Variants in DHRS2 observed in about 807,000 individuals in gnomAD.
DHRS2 encodes dehydrogenase/reductase 2, also known as dehydrogenase/reductase SDR family member 2, mitochondrial.
In DHRS2, 29 loss-of-function variants were observed where a neutral mutation model predicts 26.3. The ratio of observed to expected loss-of-function variants is 1.10; its 90% CI spans 0.82 to 1.50. The LOEUF (loss-of-function observed/expected upper bound fraction) is 1.50, where lower values mean the gene tolerates loss of function less well. Among genes scored for constraint, DHRS2 ranks in the 40% most tolerant of loss-of-function variants. The pLI, the probability that DHRS2 is intolerant of heterozygous loss-of-function variation, is 0.00. For missense variants in DHRS2, 439 were observed against 367.1 expected (o/e 1.20, Z -1.60); for synonymous variants, 164 against 151.3 (o/e 1.08, Z -0.62).
chr14:23,639,035 C>T, intron 2 of DHRS2, 31 bp downstream of exon 2: 3 of 1,608,706 alleles, frequency 1.9e-6, no homozygotes, highest in Non-Finnish European at 2.5e-6. Flanking sequence ...GGGTCCTGGC[C>T]CCTCACAGGG....
upstream of DHRS2, among the ~76,000 whole-genome samples, chr14:23,635,314 A>G (rs569539701): frequency 6.6e-6 from 1 of 152,314 alleles, no homozygotes; most frequent in East Asian, 1.9e-4. Context: ...TTGGCCTTCC[A>G]AAGTACTGGG....
At chr14:23,639,676 G>T (rs563776807) in intron 3 of DHRS2, 118 bp from the exon 4 acceptor site, 4 of 1,166,570 alleles carry the variant, frequency 3.4e-6, no homozygotes, top group African/African-American at 1.6e-5. Context: ...GGGACACCTA[G>T]GTCATTTTCC....
intron 4 of DHRS2, chr14:23,641,585 A>G (rs1162992848): frequency 1.5e-5 from 19 of 1,286,112 alleles, no homozygotes; most frequent in Non-Finnish European, 1.7e-5. Context: ...AGTATTGGAC[A>G]GATATCCTGT....
intron 1 of DHRS2, 89 bp from the exon 2 acceptor site, chr14:23,638,738 G>T: frequency 7.4e-7 from 1 of 1,358,932 alleles, no homozygotes; most frequent in Non-Finnish European, 1.0e-6. Flanking sequence ...TCTGTTGCTG[G>T]CCTTGTCTGT....
In DHRS2 at chr14:23,645,452, A is replaced by G; in HGVS notation, c.*199A>G. 1 of 1,131,426 alleles carries G rather than the reference A, an allele frequency of 8.8e-7. No individual in the cohort carries two copies. Among genetic ancestry groups the G allele is most frequent in the South Asian group, 1.6e-5 (1 of 62,252 alleles). The allele number at this position is 1,131,426 out of a possible 1,614,324, so 70.1% of individuals were successfully genotyped here. A position where few individuals can be genotyped will look rare whatever the true frequency, so the allele number is the denominator to read the frequency against. On this transcript the variant is annotated 3_prime_UTR_variant, in exon 9 of 9. Coordinates refer to ENST00000250383, the MANE Select transcript of DHRS2 (RefSeq NM_005794.4). ...ACTTATCTGCTTGTAGATTTGGCTG[A>G]TCCAATTAACATGTGGGGTTCTTGG...
At chr14:23,644,930 G>A (rs1890815916) in intron 8 of DHRS2, 48 bp downstream of exon 8, 3 of 1,603,126 alleles carry the variant, frequency 1.9e-6, no homozygotes, top group Non-Finnish European at 2.6e-6. Flanking sequence ...CTAGGCAGGG[G>A]CAGTTGAGTC....
intron 8 of DHRS2, 79 bp downstream of exon 8, chr14:23,644,961 C>G: frequency 6.4e-7 from 1 of 1,569,424 alleles, no homozygotes; most frequent in Non-Finnish European, 8.8e-7. Flanking sequence ...GCAGACCCCT[C>G]CCTGTCATCT....
Position 23,644,455 on chromosome 14 carries a change from C to T in DHRS2, c.587C>T (p.Thr196Ile), listed in dbSNP as rs1375834725. 1.2e-6 allele frequency: 2 copies of T among 1,614,230 alleles called. No homozygotes were observed. Among genetic ancestry groups the T allele is most frequent in the Non-Finnish European group, 8.5e-7 (1 of 1,180,044 alleles). The change falls in exon 7 of 9, where the codon ACT becomes ATT. Residue 196 changes from threonine (T) to isoleucine (I), a missense_variant. Physicochemically the swap from Thr to Ile is moderately conservative, Grantham distance 89. Transcript: ENST00000250383. ...AGCAAGACAGCGCTGCTGGGTCTCA[C>T]TAGAACACTGGCATTGGAGCTGGCC... ...NVSKTALLGL[T>I]RTLALELAPK... is the part of the protein sequence containing the mutation.
rs143798758 is a variant in DHRS2, at chr14:23,639,835, C to G, written c.360C>G (p.Ser120Arg). Residue 120 changes from serine to arginine, a missense_variant, in exon 4 of 9, where the codon AGC becomes AGG. Ser to Arg is a moderately radical substitution (Grantham distance 110). Coordinates refer to ENST00000250383, the MANE Select transcript of DHRS2 (RefSeq NM_005794.4). Reference protein sequence around the residue: ...HCGGVDFLVCSAGVNPLVGST... With the variant: ...HCGGVDFLVCRAGVNPLVGST... ...GGGGCGTCGACTTCCTGGTGTGCAG[C>G]GCAGGGGTCAACCCTCTGGTAGGGA... The G allele has an allele frequency of 6.2e-7, 1 of 1,610,414 alleles. No homozygotes were observed. Among genetic ancestry groups the G allele is most frequent in the Non-Finnish European group, 8.5e-7 (1 of 1,178,162 alleles).
At position 23,639,811 on chromosome 14, in the gene DHRS2, G is replaced by A. The variant is rs1163383213; in HGVS notation, c.336G>A (p.Gly112=). 2.5e-6 allele frequency: 4 copies of A among 1,609,264 alleles called. No homozygotes were observed. Among genetic ancestry groups the A allele is most frequent in the Non-Finnish European group, 2.5e-6 (3 of 1,177,508 alleles). ...QLVAKALEHC[G]GVDFLVCSAG... ...CTCCGCAGGCCCTGGAGCACTGTGG[G>A]GGCGTCGACTTCCTGGTGTGCAGCG... The change falls in exon 4 of 9, where the codon GGG becomes GGA. Residue 112 remains glycine, a synonymous_variant. Transcript: ENST00000250383.
intron 4 of DHRS2, chr14:23,641,791 T>TC: frequency 7.8e-7 from 1 of 1,285,696 alleles, no homozygotes; most frequent in Non-Finnish European, 1.0e-6. Context: ...TATTTCTCCT[T>TC]CCCACATCCA....
intron 3 of DHRS2, 127 bp downstream of exon 3, chr14:23,639,483 C>CT (rs1284131883): frequency 5.4e-5 from 71 of 1,321,502 alleles, no homozygotes; most frequent in Non-Finnish European, 6.8e-5. Flanking sequence ...GCTGCCCAAG[C>CT]TAACCTCGCT....
Position 23,645,313 on chromosome 14 carries a change from A to G in DHRS2, c.*60A>G, listed in dbSNP as rs1890836020. ...GGCCCAGGAGCCTGAGGGGGTGTCT[A>G]GGTGATCATTTGGATCTGGAGGCAG... On this transcript the variant is annotated 3_prime_UTR_variant, in exon 9 of 9. Transcript: ENST00000250383. 2 of 1,611,134 alleles carry G rather than the reference A, an allele frequency of 1.2e-6. No homozygotes were observed. The highest frequency in any genetic ancestry group is 1.1e-5 in the South Asian group (1 of 91,064).
Position 23,643,048 on chromosome 14 carries a change from A to G in DHRS2, c.421-104A>G, listed in dbSNP as rs797007940. The stretch of plus-strand genomic sequence containing the variant: ...ATTGGTTTCTCTTATATGCACATAC[A>G]TTGGGTCTACTGCACAAATTACAGG... On this transcript the variant is annotated intron_variant, in intron 4 of 8. Coordinates refer to ENST00000250383, the MANE Select transcript of DHRS2 (RefSeq NM_005794.4). The G allele has an allele frequency of 4.4e-5, 48 of 1,097,028 alleles. No individual in the cohort carries two copies. The African/African-American group carries it at 6.5e-4, about 15-fold the overall frequency. The allele number at this position is 1,097,028 out of a possible 1,614,324, so 68.0% of individuals were successfully genotyped here. A position where few individuals can be genotyped will look rare whatever the true frequency, so the allele number is the denominator to read the frequency against.
At chr14:23,636,113 G>T (rs1890268479), upstream of DHRS2, among the ~76,000 whole-genome samples, 1 of 151,948 alleles carries the variant, frequency 6.6e-6, no homozygotes, top group African/African-American at 2.4e-5. Flanking sequence ...TAGCCAATCT[G>T]GTGGGGACTT....
intron 4 of DHRS2, 75 bp from the exon 5 acceptor site, chr14:23,643,076 TC>T: frequency 6.8e-7 from 1 of 1,464,318 alleles, no homozygotes; most frequent in African/African-American, 1.4e-5. Flanking sequence ...ATTACAGGGC[TC>T]CAAGTGTCTT....
At chr14:23,630,509 C>G (rs926344442) in intron 1 of DHRS2, among the ~76,000 whole-genome samples, 2 of 152,188 alleles carry the variant, frequency 1.3e-5, no homozygotes, top group African/African-American at 4.8e-5. Flanking sequence ...CAGATGGAGG[C>G]AAGAGGGGAA....
At position 23,644,902 on chromosome 14, in the gene DHRS2, T is replaced by A; in HGVS notation, c.731+20T>A. The stretch of plus-strand genomic sequence containing the variant: ...GCAGAGGCAAGTGGGGTTTGGAGAT[T>A]TGGTGGTCCATGTGTGGCTAGGCAG... On this transcript the variant is annotated intron_variant, in intron 8 of 8. Coordinates refer to ENST00000250383, the MANE Select transcript of DHRS2 (RefSeq NM_005794.4). 6.2e-7 allele frequency: 1 copy of A among 1,613,810 alleles called. No homozygotes were observed. Among genetic ancestry groups the A allele is most frequent in the Non-Finnish European group, 8.5e-7 (1 of 1,179,690 alleles).
In DHRS2 at chr14:23,636,787, A is replaced by T. The variant is rs993742536; in HGVS notation, c.-39+15A>T. On this transcript the variant is annotated intron_variant, in intron 1 of 8. Coordinates refer to ENST00000250383, the MANE Select transcript of DHRS2 (RefSeq NM_005794.4). ...ATCGCCAAGTGGTGAGTACCATCAG[A>T]TCCCTTTCATTTGCTATTCTGTCCT... is the stretch of plus-strand genomic sequence containing the variant. 10 of 152,144 alleles carry T rather than the reference A, an allele frequency of 6.6e-5. No homozygotes were observed. Among genetic ancestry groups the T allele is most frequent in the African/African-American group, 2.4e-4 (10 of 41,414 alleles). 9.4% of individuals were successfully genotyped at this position (152,144 alleles called of 1,614,324 possible).
Sources: allele counts gnomAD v4.1 joint callset (sites outside exome capture counted in the v4.1 genomes callset), GRCh38; gene constraint gnomAD v4.1.1; transcripts MANE v1.5; gene names NCBI Gene and HGNC (gene_info 2026-07-23, HGNC 2026-07-21).